The following CCDC187 variants were observed in gnomAD, a reference collection of about 807,000 sequenced individuals.
CCDC187 encodes coiled-coil domain-containing protein 187.
In CCDC187, 32 loss-of-function variants were observed where a neutral mutation model predicts 38.0. That is an observed-to-expected ratio of 0.84 (90% CI 0.64 to 1.13). The LOEUF is 1.13. Ranked by LOEUF, CCDC187 falls within the 50% of genes most tolerant of loss-of-function variation. The pLI, the probability that CCDC187 is intolerant of heterozygous loss-of-function variation, is 0.00. For missense variants in CCDC187, 707 were observed against 786.8 expected, an observed-to-expected ratio of 0.90 and a Z score of 1.21; for synonymous variants, 333 against 347.9, an observed-to-expected ratio of 0.96 and a Z score of 0.48.
Position 136,258,644 on chromosome 9 carries a change from C to G in CCDC187, c.4366+288G>C. The G allele has an allele frequency of 1.0e-6, 1 of 964,484 alleles. No homozygotes were observed. The highest frequency in any genetic ancestry group is 1.2e-6 in the Non-Finnish European group (1 of 810,878). 59.7% of individuals were successfully genotyped at this position (964,484 alleles called of 1,614,324 possible). A position where few individuals can be genotyped will look rare whatever the true frequency, so the allele number is the denominator to read the frequency against. ...CTCAGGCAGTGCTGGCTTCCAAACA[C>G]TTAAAAATCTGCCCCAGATGAACGA... On this transcript the variant is annotated intron_variant, in intron 22 of 25. Coordinates refer to ENST00000638797, the MANE Select transcript of CCDC187 (RefSeq NM_001378188.1). This position sits in a 1 kb window ranked among gnomAD's most constrained non-coding sequence, Gnocchi z 4.3.
intron 10 of CCDC187, chr9:136,281,295 T>C: frequency 7.5e-6 from 3 of 397,782 alleles, no homozygotes; most frequent in Non-Finnish European, 1.3e-5. Flanking sequence ...GCACGGGGCA[T>C]GGCTGTCATG....
chr9:136,267,300 G>A, intron 16 of CCDC187, 84 bp downstream of exon 16: 5 of 927,118 alleles, frequency 5.4e-6, no homozygotes, highest in Non-Finnish European at 6.4e-6. Context: ...ACGGGGCAGG[G>A]AGGGGGCGGG....
chr9:136,263,971 G>T, intron 17 of CCDC187, 173 bp from the exon 18 acceptor site: 1 of 275,142 alleles, frequency 3.6e-6, no homozygotes, highest in Non-Finnish European at 5.5e-6. Context: ...ATACCCCCAT[G>T]GCCTTGGGCT....
At chr9:136,272,284 A>G (rs567670245) in intron 14 of CCDC187, among the ~76,000 whole-genome samples, 1 of 152,246 alleles carries the variant, frequency 6.6e-6, no homozygotes, top group East Asian at 1.9e-4. Flanking sequence ...ATATAAACAC[A>G]TATATTATTT....
At chr9:136,259,050 G>T in intron 21 of CCDC187, 49 bp from the exon 22 acceptor site, 1 of 984,738 alleles carries the variant, frequency 1.0e-6, no homozygotes, top group African/African-American at 1.7e-5. Context: ...TGAAGGGAGG[G>T]CACCAAGGGC....
intron 10 of CCDC187, among the ~76,000 whole-genome samples, chr9:136,277,562 C>T (rs1294532693): frequency 6.6e-6 from 1 of 151,852 alleles, no homozygotes; most frequent in African/African-American, 2.4e-5. Context: ...GGCACAAGTC[C>T]AGGGCTCTCC....
intron 3 of CCDC187, among the ~76,000 whole-genome samples, chr9:136,298,687 C>G (rs891435053): frequency 2.0e-5 from 3 of 152,248 alleles, no homozygotes; most frequent in Admixed American, 6.5e-5. Context: ...GCCTCAAGAG[C>G]CAGGTCCTCT....
At chr9:136,278,708 C>G (rs939762677) in intron 10 of CCDC187, among the ~76,000 whole-genome samples, 4 of 152,370 alleles carry the variant, frequency 2.6e-5, no homozygotes, top group Non-Finnish European at 5.9e-5. Flanking sequence ...TGACAGGACC[C>G]TTACCCTCAG....
rs1554759293 is a variant in CCDC187, at chr9:136,250,992, A to G, written c.*2602T>C. 2.2e-6 allele frequency: 1 copy of G among 456,220 alleles called. No individual in the cohort carries two copies. Among genetic ancestry groups the G allele is most frequent in the Admixed American group, 2.3e-5 (1 of 42,590 alleles). The allele number at this position is 456,220 out of a possible 1,614,324, so 28.3% of individuals were successfully genotyped here. A position where few individuals can be genotyped will look rare whatever the true frequency, so the allele number is the denominator to read the frequency against. ...AGCTCCGTGTGTCCTGTGACCTGGC[A>G]TCTTAGGGCTTTGCCACGCCAGCTT... On this transcript the variant is annotated 3_prime_UTR_variant, in exon 26 of 26. Coordinates refer to ENST00000638797, the MANE Select transcript of CCDC187 (RefSeq NM_001378188.1).
rs1417035432 is a variant in CCDC187 at position 136,250,951 on chromosome 9, G to T, written c.*2643C>A. The T allele has an allele frequency of 4.4e-6, 2 of 454,654 alleles. No individual in the cohort carries two copies. The highest frequency in any genetic ancestry group is 8.9e-6 in the Non-Finnish European group (2 of 225,710). The allele number at this position is 454,654 out of a possible 1,614,324, so 28.2% of individuals were successfully genotyped here. On this transcript the variant is annotated 3_prime_UTR_variant, in exon 26 of 26. Transcript: ENST00000638797. ...CTGGGGTCTCTCACCAGAGCTATGG[G>T]GTAGAGGGCCTTGGCAGCTCCGTGT...
At chr9:136,293,392 C>T (rs1485744160) in intron 4 of CCDC187, among the ~76,000 whole-genome samples, 2 of 119,308 alleles carry the variant, frequency 1.7e-5, no homozygotes, top group Non-Finnish European at 3.7e-5. Context: ...CTCACATGCT[C>T]ACACACTCAC....
intron 7 of CCDC187, among the ~76,000 whole-genome samples, chr9:136,289,091 A>G (rs1434551727): frequency 2.6e-5 from 4 of 152,234 alleles, no homozygotes; most frequent in African/African-American, 9.6e-5. Context: ...CACAGACTCA[A>G]TGAAGTTCTG....
chr9:136,260,828 T>A (rs1388750999), intron 19 of CCDC187, among the ~76,000 whole-genome samples: 1 of 152,102 alleles, frequency 6.6e-6, no homozygotes, highest in Non-Finnish European at 1.5e-5. Flanking sequence ...AAACCCTGTA[T>A]CCCAAGGTAG....
rs544839740 is a variant in CCDC187, at chr9:136,267,431, G to C, written c.3600C>G (p.Leu1200=). 1.0e-6 allele frequency: 1 copy of C among 985,408 alleles called. No individual in the cohort carries two copies. Among genetic ancestry groups the C allele is most frequent in the Non-Finnish European group, 1.2e-6 (1 of 830,004 alleles). The allele number at this position is 985,408 out of a possible 1,614,324, so 61.0% of individuals were successfully genotyped here. A position where few individuals can be genotyped will look rare whatever the true frequency, so the allele number is the denominator to read the frequency against. Reference sequence around the variant, plus strand: ...CCAGCTCCGCGAGCGTTTTCTCCTGGAGCGCCATCTCTCGCAGGCGCAGCA... The same window carrying C: ...CCAGCTCCGCGAGCGTTTTCTCCTGCAGCGCCATCTCTCGCAGGCGCAGCA... The part of the protein sequence containing the change: ...AALLRLREMA[L]QEKTLAELAW... The change falls in exon 16 of 26, where the codon CTC becomes CTG. Residue 1200 remains leucine, a synonymous_variant. Coordinates refer to ENST00000638797, the MANE Select transcript of CCDC187 (RefSeq NM_001378188.1).
intron 9 of CCDC187, 49 bp downstream of exon 9, chr9:136,285,464 C>CGGGCAGGT (rs1158075604): frequency 1.3e-3 from 68 of 53,962 alleles, no homozygotes; most frequent in East Asian, 4.9e-3. Context: ...GGTGGGCAGG[C>CGGGCAGGT]GGGCAGGTGG....
chr9:136,269,514 G>A (rs567927784), intron 14 of CCDC187, among the ~76,000 whole-genome samples: 30 of 152,194 alleles, frequency 2.0e-4, no homozygotes, highest in Non-Finnish European at 4.1e-4. Context: ...TGGGCGTGGT[G>A]GTGGGCGCCT....
In CCDC187 at chr9:136,291,300, A is replaced by G; in HGVS notation, c.1313T>C (p.Leu438Ser). The G allele has an allele frequency of 2.5e-6, 1 of 398,686 alleles. No homozygotes were observed. The highest frequency in any genetic ancestry group is 2.1e-5 in the African/African-American group (1 of 48,766). 24.7% of individuals were successfully genotyped at this position (398,686 alleles called of 1,614,324 possible). A position where few individuals can be genotyped will look rare whatever the true frequency, so the allele number is the denominator to read the frequency against. Residue 438 changes from leucine (L) to serine (S), a missense_variant, in exon 6 of 26, where the codon TTA becomes TCA. By Grantham distance (145) the Leu-to-Ser change is moderately radical. Coordinates refer to ENST00000638797, the MANE Select transcript of CCDC187 (RefSeq NM_001378188.1). ...GGTGTGGACACTCCTAGCCCTCTCTAAAGAGGAATGCTTCCTCTCTGTCAT... is the reference window on the plus strand; with the variant it reads ...GGTGTGGACACTCCTAGCCCTCTCTGAAGAGGAATGCTTCCTCTCTGTCAT... ...WAMTERKHSS[L>S]ERARSVHTWE...
intron 4 of CCDC187, among the ~76,000 whole-genome samples, chr9:136,295,658 T>C (rs1831516982): frequency 1.3e-5 from 2 of 152,260 alleles, no homozygotes; most frequent in Non-Finnish European, 2.9e-5. Flanking sequence ...CTCTGACCTC[T>C]GAACCGAAAC....
At chr9:136,288,413 C>T (rs1361700646) in intron 7 of CCDC187, among the ~76,000 whole-genome samples, 4 of 152,154 alleles carry the variant, frequency 2.6e-5, no homozygotes, top group Admixed American at 6.5e-5. Context: ...GCCAAAGATA[C>T]GCCAGGGGCA....
Sources: gnomAD v4.1 joint callset for allele counts (sites outside exome capture counted in the v4.1 genomes callset) on GRCh38, gnomAD v4.1.1 for gene constraint, Gnocchi (gnomAD v3.1) non-coding constraint, MANE v1.5 for transcripts, NCBI Gene and HGNC (gene_info 2026-07-23, HGNC 2026-07-21) for gene names.